The following ZSWIM7 variants were observed in gnomAD, a reference collection of about 807,000 sequenced individuals.
The protein encoded by ZSWIM7 is zinc finger SWIM domain-containing protein 7.
A neutral mutation model predicts 21.1 loss-of-function variants in ZSWIM7; 22 were observed. The ratio of observed to expected loss-of-function variants is 1.04; its 90% CI spans 0.74 to 1.49. ZSWIM7 has a LOEUF of 1.49. ZSWIM7 is among the 40% of genes most tolerant of loss of function. The pLI is 0.00. For missense variants in ZSWIM7, 193 were observed against 168.0 expected, an observed-to-expected ratio of 1.15 and a Z score of -0.82; for synonymous variants, 67 against 66.5, an observed-to-expected ratio of 1.01 and a Z score of -0.04.
intron 1 of ZSWIM7, among the ~76,000 whole-genome samples, chr17:15,996,479 T>C (rs1470995197): frequency 1.3e-5 from 2 of 151,926 alleles, no homozygotes; most frequent in African/African-American, 2.4e-5. Flanking sequence ...GACCCGTCTC[T>C]ACAGAAAATA....
intron 2 of ZSWIM7, among the ~76,000 whole-genome samples, chr17:15,992,174 G>A (rs547915136): frequency 2.2e-4 from 34 of 152,160 alleles, no homozygotes; most frequent in Non-Finnish European, 4.3e-4. Context: ...TGATCCACCC[G>A]CCTCAGCCTC....
rs1307326951 is a variant in ZSWIM7, at chr17:15,999,626, G to A, written c.-32C>T. 3.8e-6 allele frequency: 6 copies of A among 1,565,792 alleles called. No homozygotes were observed. Among genetic ancestry groups the A allele is most frequent in the Admixed American group, 1.9e-5 (1 of 53,436 alleles). On this transcript the variant is annotated 5_prime_UTR_variant, in exon 1 of 5. Transcript: ENST00000399277. Reference sequence around the variant, plus strand: ...GCAGGACACGCCCTCCACGACCGGCGGACCGCCGCGACGCTCCAGCTGACT... The same window carrying A: ...GCAGGACACGCCCTCCACGACCGGCAGACCGCCGCGACGCTCCAGCTGACT...
chr17:15,987,388 C>A lies in ZSWIM7; in HGVS notation c.99-20G>T. 1.9e-6 allele frequency: 3 copies of A among 1,602,884 alleles called. No individual in the cohort carries two copies. Among genetic ancestry groups the A allele is most frequent in the Non-Finnish European group, 2.6e-6 (3 of 1,172,296 alleles). On this transcript the variant is annotated intron_variant, in intron 2 of 4. Transcript: ENST00000399277. ...TTCAGCCTGTGAAATAAAAACACTT[C>A]AGATTAGAAGGCCTGATTCTCAAAG...
chr17:15,990,373 T>A (rs1056427110), intron 2 of ZSWIM7, among the ~76,000 whole-genome samples: 2 of 151,840 alleles, frequency 1.3e-5, no homozygotes, highest in Non-Finnish European at 2.9e-5. Context: ...TGAGTTGGAG[T>A]CTCACTGTGT....
rs568404801 is a variant in ZSWIM7, at chr17:15,991,801, G to C, written c.98+1956C>G. Reference sequence around the variant, plus strand: ...ATTCTTCAGAACTTTTATTTTTTTAGAGACAAGGTCTCACATCACCCAGGC... The same window carrying C: ...ATTCTTCAGAACTTTTATTTTTTTACAGACAAGGTCTCACATCACCCAGGC... On this transcript the variant is annotated intron_variant, in intron 2 of 4. Transcript: ENST00000399277. 2.6e-4 allele frequency among the ~76,000 whole-genome samples: 40 copies of C among 152,152 alleles called. No individual in the cohort carries two copies. The South Asian group carries it at 8.1e-3, about 31-fold the overall frequency.
intron 4 of ZSWIM7, 110 bp from the exon 5 acceptor site, chr17:15,978,273 C>T (rs975910064): frequency 1.3e-6 from 1 of 788,444 alleles, no homozygotes; most frequent in Non-Finnish European, 2.2e-6. Context: ...CTAGAGCATA[C>T]AGATTACGGG....
At chr17:15,985,858 C>T (rs563124546) in intron 3 of ZSWIM7, among the ~76,000 whole-genome samples, 38 of 152,248 alleles carry the variant, frequency 2.5e-4, no homozygotes, top group Non-Finnish European at 3.5e-4. Flanking sequence ...CCTCTAGTTT[C>T]GGGTATTTTA....
At chr17:15,995,137 T>C (rs1970533230) in intron 1 of ZSWIM7, among the ~76,000 whole-genome samples, 1 of 152,004 alleles carries the variant, frequency 6.6e-6, no homozygotes, top group Admixed American at 6.5e-5. Context: ...GGGAATCTTC[T>C]GAAAAAAAGT....
At chr17:15,998,650 G>C (rs1201137763) in intron 1 of ZSWIM7, among the ~76,000 whole-genome samples, 1 of 151,910 alleles carries the variant, frequency 6.6e-6, no homozygotes, top group Non-Finnish European at 1.5e-5. Flanking sequence ...GGTGAGCATA[G>C]CCAAAGAGTA....
intron 2 of ZSWIM7, among the ~76,000 whole-genome samples, chr17:15,991,911 TTTGTTTG>T (rs1191342466): frequency 1.1e-5 from 1 of 90,516 alleles, no homozygotes; most frequent in Non-Finnish European, 2.3e-5. Flanking sequence ...TTTGTTTTTT[TTTGTTTG>T]TTTTGTTTTG....
At chr17:15,995,865 G>GA (rs563310265) in intron 1 of ZSWIM7, among the ~76,000 whole-genome samples, 11,147 of 135,110 alleles carry the variant, frequency 0.083, 629 homozygotes, top group African/African-American at 0.17. Context: ...ACTGTGAAGT[G>GA]AAAAAAAAAA....
rs1970451870 is a variant in ZSWIM7 at position 15,989,182 on chromosome 17, C to T, written c.99-1814G>A. ...GGCTATCCAACTGTTAAATGATATA[C>T]AGGAAAAAACTTTGATATGTGAGAA... is the stretch of plus-strand genomic sequence containing the variant. On this transcript the variant is annotated intron_variant, in intron 2 of 4. Coordinates refer to ENST00000399277, the MANE Select transcript of ZSWIM7 (RefSeq NM_001042697.2). Among the ~76,000 whole-genome samples, 3 of 152,012 alleles carry T rather than the reference C, an allele frequency of 2.0e-5. No homozygotes were observed. The South Asian group carries it at 6.2e-4, about 32-fold the overall frequency.
chr17:15,979,677 C>CA (rs1970327496), intron 4 of ZSWIM7, among the ~76,000 whole-genome samples: 1 of 131,612 alleles, frequency 7.6e-6, no homozygotes, highest in Admixed American at 7.6e-5. Flanking sequence ...CTGACCCCCC[C>CA]CACCTCCCTC....
chr17:15,977,981 AT>A lies in ZSWIM7; in HGVS notation c.*65del. On this transcript the variant is annotated 3_prime_UTR_variant, in exon 5 of 5. Transcript: ENST00000399277. ...ATTTCACCTCTTTTCCATGTGAATC[AT>A]GACGCTTTCAATGCATTTCTTGACA... The A allele has an allele frequency of 7.8e-7, 1 of 1,279,574 alleles. No homozygotes were observed. 79.3% of individuals were successfully genotyped at this position (1,279,574 alleles called of 1,614,324 possible).
rs574465762 is a variant in ZSWIM7 at position 15,984,958 on chromosome 17, C to T, written c.201+2308G>A. ...AGATTTGGGGTCATTGATACCACAG[C>T]ATAACTTAGCCTCTCCTGACTGAAA... On this transcript the variant is annotated intron_variant, in intron 3 of 4. Coordinates refer to ENST00000399277, the MANE Select transcript of ZSWIM7 (RefSeq NM_001042697.2). 2.0e-5 allele frequency among the ~76,000 whole-genome samples: 3 copies of T among 152,250 alleles called. No homozygotes were observed. The East Asian group carries it at 5.8e-4, about 29-fold the overall frequency.
At chr17:15,997,317 G>T (rs1970567914) in intron 1 of ZSWIM7, among the ~76,000 whole-genome samples, 1 of 152,148 alleles carries the variant, frequency 6.6e-6, no homozygotes, top group East Asian at 1.9e-4. Context: ...CAAGTCCGAA[G>T]GCTCTAGAGA....
intron 2 of ZSWIM7, among the ~76,000 whole-genome samples, chr17:15,993,348 TTTTATTTATTTATTTA>T: frequency 7.0e-6 from 1 of 142,440 alleles, no homozygotes; most frequent in African/African-American, 2.8e-5. Context: ...TTATTTTTTA[TTTTATTTATTTATTTA>T]TTTATTTATT....
At chr17:15,987,169 G>A (rs1970422485) in intron 3 of ZSWIM7, 97 bp downstream of exon 3, 1 of 1,003,708 alleles carries the variant, frequency 1.0e-6, no homozygotes, top group Non-Finnish European at 1.4e-6. Flanking sequence ...TAACAGTCCA[G>A]GAAATATTTA....
rs1477842227 is a variant in ZSWIM7 at position 15,977,809 on chromosome 17, T to G, written c.*238A>C. The stretch of plus-strand genomic sequence containing the variant: ...CAGGGACATTTTTTACCGAAGCGTC[T>G]CAGAGACTGGCTCAGGGTATTTCTT... On this transcript the variant is annotated 3_prime_UTR_variant, in exon 5 of 5. Coordinates refer to ENST00000399277, the MANE Select transcript of ZSWIM7 (RefSeq NM_001042697.2). The G allele has an allele frequency of 2.6e-6, 1 of 378,526 alleles. No individual in the cohort carries two copies. The highest frequency in any genetic ancestry group is 2.0e-5 in the African/African-American group (1 of 49,926). The allele number at this position is 378,526 out of a possible 1,614,324, so 23.4% of individuals were successfully genotyped here.
Sources: allele counts gnomAD v4.1 joint callset (sites outside exome capture counted in the v4.1 genomes callset), GRCh38; gene constraint gnomAD v4.1.1; transcripts MANE v1.5; gene names NCBI Gene and HGNC (gene_info 2026-07-23, HGNC 2026-07-21).